Variants in PHACTR3 observed in about 807,000 individuals in gnomAD.
PHACTR3 encodes the protein phosphatase and actin regulator 3.
Under a neutral mutation model 66.8 loss-of-function variants are expected in PHACTR3, and 16 were observed. The observed-to-expected ratio is 0.24, with a 90% CI of 0.16 to 0.36. The LOEUF is 0.36. PHACTR3 is among the 10% of genes least tolerant of loss of function. PHACTR3 has a pLI of 1.00. For missense variants in PHACTR3, 647 were observed against 719.9 expected (o/e 0.90, Z 1.16); for synonymous variants, 323 against 292.1 (o/e 1.11, Z -1.08).
In PHACTR3 at chr20:59,747,797, A is replaced by T; in HGVS notation, c.320A>T (p.Glu107Val). ...KKMAGRQGREELIKKGLLEMM... is the reference protein window; with the variant it reads ...KKMAGRQGREVLIKKGLLEMM... Reference sequence around the variant, plus strand: ...ATGGCCGGCAGGCAAGGCCGAGAGGAGCTCATCAAGAAGGGGCTGCTGGAG... The same window carrying T: ...ATGGCCGGCAGGCAAGGCCGAGAGGTGCTCATCAAGAAGGGGCTGCTGGAG... Residue 107 changes from glutamate (E) to valine (V), a missense_variant, in exon 3 of 13, where the codon GAG becomes GTG. By Grantham distance (121) the Glu-to-Val change is moderately radical. This residue lies in a region of PHACTR3 where 577 missense variants were observed against 571.1 expected (regional missense o/e 1.01). Coordinates refer to ENST00000371015, the MANE Select transcript of PHACTR3 (RefSeq NM_080672.5). 6.2e-7 allele frequency: 1 copy of T among 1,614,038 alleles called. No homozygotes were observed. Among genetic ancestry groups the T allele is most frequent in the Non-Finnish European group, 8.5e-7 (1 of 1,179,978 alleles).
intron 4 of PHACTR3, among the ~76,000 whole-genome samples, chr20:59,759,124 A>G (rs2039909504): frequency 6.6e-6 from 1 of 152,150 alleles, no homozygotes; most frequent in African/African-American, 2.4e-5. Context: ...TCTCTCTGGT[A>G]GCATGTGTGT....
chr20:59,743,360 G>A, intron 2 of PHACTR3, 92 bp downstream of exon 2: 1 of 1,487,580 alleles, frequency 6.7e-7, no homozygotes, highest in Non-Finnish European at 9.2e-7. Flanking sequence ...TGACTTCCTG[G>A]CCCCTACACA....
rs367879854 is a variant in PHACTR3 at position 59,743,129 on chromosome 20, G to C, written c.141G>C (p.Pro47=). The change falls in exon 2 of 13, where the codon CCG becomes CCC. Residue 47 remains proline (P), a synonymous_variant. Coordinates refer to ENST00000371015, the MANE Select transcript of PHACTR3 (RefSeq NM_080672.5). ...CAGATGAGATGGACCAAACGCCCCC[G>C]GCGCGTCCTGAATATCTGGTCTCAG... ...ENPDEMDQTP[P]ARPEYLVSGI... 3.7e-6 allele frequency: 6 copies of C among 1,613,742 alleles called. No homozygotes were observed. The highest frequency in any genetic ancestry group is 5.1e-6 in the Non-Finnish European group (6 of 1,179,902).
At chr20:59,735,836 A>G (rs2146735801) in intron 1 of PHACTR3, among the ~76,000 whole-genome samples, 1 of 152,260 alleles carries the variant, frequency 6.6e-6, no homozygotes, top group Non-Finnish European at 1.5e-5. Flanking sequence ...GCACAATCTG[A>G]GAGTAATCAG....
chr20:59,603,739 C>G (rs1367104962), upstream of PHACTR3: 1 of 152,498 alleles, frequency 6.6e-6, no homozygotes, highest in East Asian at 1.9e-4. Context: ...TCCTTGAATC[C>G]TGGTGTCTGT....
intron 1 of PHACTR3, among the ~76,000 whole-genome samples, chr20:59,631,036 G>A (rs6027010): frequency 0.79 from 120,613 of 152,072 alleles, 48,014 homozygotes; most frequent in East Asian, 0.88. Context: ...TAGCTTCATG[G>A]CTGTTAGCTG....
At chr20:59,741,310 C>T (rs1003545782) in intron 1 of PHACTR3, among the ~76,000 whole-genome samples, 3 of 152,200 alleles carry the variant, frequency 2.0e-5, no homozygotes, top group African/African-American at 7.2e-5. Flanking sequence ...TGTGTATGTT[C>T]GCAGGGCGAG....
At chr20:59,584,254 G>A (rs1437786762) in intron 1 of PHACTR3, among the ~76,000 whole-genome samples, 2 of 152,096 alleles carry the variant, frequency 1.3e-5, no homozygotes, top group African/African-American at 2.4e-5. Context: ...GATTGTGTGT[G>A]TGTATGCATG....
At chr20:59,646,681 G>A (rs1433016030) in intron 1 of PHACTR3, among the ~76,000 whole-genome samples, 2 of 152,166 alleles carry the variant, frequency 1.3e-5, no homozygotes, top group Admixed American at 6.5e-5. Flanking sequence ...AGGCCTGGAG[G>A]GGAGCATGCA....
At chr20:59,656,698 C>T (rs2035630897) in intron 1 of PHACTR3, among the ~76,000 whole-genome samples, 1 of 151,822 alleles carries the variant, frequency 6.6e-6, no homozygotes, top group Non-Finnish European at 1.5e-5. Flanking sequence ...CTATATCTCT[C>T]ATGCCTTTTT....
chr20:59,696,576 G>A (rs866590150), intron 1 of PHACTR3, among the ~76,000 whole-genome samples: 6 of 152,128 alleles, frequency 3.9e-5, no homozygotes, highest in African/African-American at 1.2e-4. Flanking sequence ...ACCTAAGCAG[G>A]GTTTGCACAT....
rs1171829230 is a variant in PHACTR3, at chr20:59,829,816, G to T, written c.1329-6689G>T. Among the ~76,000 whole-genome samples, 1 of 152,246 alleles carries T rather than the reference G, an allele frequency of 6.6e-6. No individual in the cohort carries two copies. The highest frequency in any genetic ancestry group is 1.5e-5 in the Non-Finnish European group (1 of 68,046). On this transcript the variant is annotated intron_variant, in intron 8 of 12. Coordinates refer to ENST00000371015, the MANE Select transcript of PHACTR3 (RefSeq NM_080672.5). This position sits in a 1 kb window ranked among gnomAD's most constrained non-coding sequence, Gnocchi z 4.2. ...CTCAATTTCTGCTCCACACTGAGGT[G>T]ACTTTAGATGTTGATTCAAACCTTT... is the stretch of plus-strand genomic sequence containing the variant.
intron 1 of PHACTR3, among the ~76,000 whole-genome samples, chr20:59,724,487 A>G (rs2038481118): frequency 6.6e-6 from 1 of 152,134 alleles, no homozygotes; most frequent in Non-Finnish European, 1.5e-5. Context: ...TTGCCTTTGA[A>G]GTTTGCAAGA....
At chr20:59,731,388 A>G (rs975291632) in intron 1 of PHACTR3, among the ~76,000 whole-genome samples, 1 of 152,208 alleles carries the variant, frequency 6.6e-6, no homozygotes, top group Non-Finnish European at 1.5e-5. Flanking sequence ...GCATCCTACT[A>G]AGCCACATAC....
At chr20:59,631,085 G>A (rs1187344684) in intron 1 of PHACTR3, among the ~76,000 whole-genome samples, 1 of 152,226 alleles carries the variant, frequency 6.6e-6, no homozygotes, top group African/African-American at 2.4e-5. Flanking sequence ...GTTGAGCAGG[G>A]CTGAAAGAGG....
At chr20:59,593,509 C>A (rs150605171) in intron 1 of PHACTR3, among the ~76,000 whole-genome samples, 4 of 151,638 alleles carry the variant, frequency 2.6e-5, no homozygotes, top group Non-Finnish European at 2.9e-5. Flanking sequence ...TTAATGAAGT[C>A]CAGTATATCA....
In PHACTR3 at chr20:59,830,204, G is replaced by A. The variant is rs2145463475; in HGVS notation, c.1329-6301G>A. On this transcript the variant is annotated intron_variant, in intron 8 of 12. Transcript: ENST00000371015. This position sits in a 1 kb window ranked among gnomAD's most constrained non-coding sequence, Gnocchi z 5.8. Reference sequence around the variant, plus strand: ...GCGTGTCTGATGGAAGAGGGTATGAGTGTCTGATAGAAGAGGGCGTGAGTG... The same window carrying A: ...GCGTGTCTGATGGAAGAGGGTATGAATGTCTGATAGAAGAGGGCGTGAGTG... Among the ~76,000 whole-genome samples the A allele has an allele frequency of 6.6e-6, 1 of 151,872 alleles. No homozygotes were observed. The highest frequency in any genetic ancestry group is 2.1e-4 in the South Asian group (1 of 4,802).
intron 1 of PHACTR3, among the ~76,000 whole-genome samples, chr20:59,727,800 C>T (rs1379140833): frequency 2.6e-5 from 4 of 152,124 alleles, no homozygotes; most frequent in African/African-American, 4.8e-5. Context: ...GTTTTGGATG[C>T]TCAACTGGTA....
intron 1 of PHACTR3, among the ~76,000 whole-genome samples, chr20:59,665,640 C>T (rs1019846155): frequency 1.3e-4 from 19 of 151,994 alleles, no homozygotes; most frequent in Non-Finnish European, 2.5e-4. Context: ...GTTGGAAATA[C>T]TGCCCATGGG....
Sources: allele counts gnomAD v4.1 joint callset (sites outside exome capture counted in the v4.1 genomes callset), GRCh38; gene constraint gnomAD v4.1.1; regional missense constraint gnomAD v4.1.1; non-coding constraint Gnocchi (gnomAD v3.1); transcripts MANE v1.5; gene names NCBI Gene and HGNC (gene_info 2026-07-23, HGNC 2026-07-21).